VCPKMT: variants seen among roughly 807,000 people sequenced by gnomAD.
VCPKMT encodes protein N-lysine methyltransferase METTL21D.
VCPKMT carries 32 observed loss-of-function variants against 28.6 expected under a neutral mutation model. That is an observed-to-expected ratio of 1.12 (90% CI 0.84 to 1.50). VCPKMT has a LOEUF of 1.50. VCPKMT is among the 40% of genes most tolerant of loss of function. The pLI, the probability that VCPKMT is intolerant of heterozygous loss-of-function variation, is 0.00. For synonymous variants in VCPKMT, 138 were observed against 111.4 expected (o/e 1.24, Z -1.50); for missense variants, 366 against 285.0 (o/e 1.28, Z -2.05).
At chr14:50,110,773 T>C (rs983275569) in intron 5 of VCPKMT, among the ~76,000 whole-genome samples, 2 of 152,200 alleles carry the variant, frequency 1.3e-5, no homozygotes, top group Non-Finnish European at 2.9e-5. Flanking sequence ...ATCTCATCAA[T>C]GGATGGATAA....
rs764221295 is a variant in VCPKMT at position 50,112,732 on chromosome 14, A to G, written c.571-13T>C. On this transcript the variant is annotated splice_polypyrimidine_tract_variant and intron_variant, in intron 4 of 5. Transcript: ENST00000395860. ...CTAGCTGAAGGAGCTATAAATTTAA[A>G]AGAGACATACTTCAAATTCAATAAT... The G allele has an allele frequency of 3.3e-6, 5 of 1,518,190 alleles. No homozygotes were observed. The highest frequency in any genetic ancestry group is 4.7e-5 in the East Asian group (2 of 42,174). 94.0% of individuals were successfully genotyped at this position (1,518,190 alleles called of 1,614,324 possible).
At chr14:50,115,183 GCT>G (rs1883040183) in intron 3 of VCPKMT, among the ~76,000 whole-genome samples, 1 of 96,524 alleles carries the variant, frequency 1.0e-5, no homozygotes, top group South Asian at 3.1e-4. Context: ...ACAGAGTTTT[GCT>G]CTTGTTGCCC....
chr14:50,107,319 C>CTTT (rs772286873), downstream of VCPKMT, among the ~76,000 whole-genome samples: 10 of 145,780 alleles, frequency 6.9e-5, no homozygotes, highest in Non-Finnish European at 1.2e-4. Flanking sequence ...TCCTATTTGA[C>CTTT]TTTTTTTTTT....
intron 5 of VCPKMT, among the ~76,000 whole-genome samples, chr14:50,110,068 A>C (rs1338926845): frequency 1.3e-5 from 2 of 152,126 alleles, no homozygotes; most frequent in Non-Finnish European, 2.9e-5. Flanking sequence ...AACCTAGTGA[A>C]ACCCAATCTC....
At chr14:50,106,054 C>CT (rs1882309831), downstream of VCPKMT, among the ~76,000 whole-genome samples, 1 of 152,134 alleles carries the variant, frequency 6.6e-6, no homozygotes, top group Non-Finnish European at 1.5e-5. Context: ...TTTCTTCTTT[C>CT]TTTGCTCTCT....
downstream of VCPKMT, among the ~76,000 whole-genome samples, chr14:50,104,125 C>A (rs1034101651): frequency 3.9e-5 from 6 of 152,194 alleles, no homozygotes; most frequent in African/African-American, 1.4e-4. Context: ...GGTCTCAGAG[C>A]CTCTGTGCTG....
chr14:50,111,223 T>A, intron 5 of VCPKMT: 1 of 984,056 alleles, frequency 1.0e-6, no homozygotes, highest in Non-Finnish European at 1.2e-6. Flanking sequence ...AAACACAAAA[T>A]CTTTCTGCCT....
At chr14:50,109,747 A>G in intron 5 of VCPKMT, 34 bp from the exon 6 acceptor site, 1 of 1,586,162 alleles carries the variant, frequency 6.3e-7, no homozygotes, top group East Asian at 2.2e-5. Context: ...TAAAAGATTG[A>G]TTTACCACAA....
At chr14:50,111,792 G>A in intron 5 of VCPKMT, 1 of 660,220 alleles carries the variant, frequency 1.5e-6, no homozygotes, top group South Asian at 6.7e-5. Context: ...AGGCTGAGGT[G>A]GGAGGATCAC....
Position 50,112,661 on chromosome 14 carries a change from T to C in VCPKMT, c.629A>G (p.Tyr210Cys), listed in dbSNP as rs377669925. Residue 210 changes from tyrosine (Y) to cysteine (C), a missense_variant, in exon 5 of 6, where the codon TAT becomes TGT. By Grantham distance (194) the Tyr-to-Cys change is radical. Coordinates refer to ENST00000395860, the MANE Select transcript of VCPKMT (RefSeq NM_024558.3). ...TATAATATGAATATCTTCACTTCGA[T>C]ACTCTTCATCATGTTTTTCCAAAGG... is the stretch of plus-strand genomic sequence containing the variant. ...KIPLEKHDEE[Y>C]RSEDIHIIYI... The C allele has an allele frequency of 2.3e-5, 36 of 1,576,182 alleles. No individual in the cohort carries two copies. The highest frequency in any genetic ancestry group is 3.1e-5 in the Non-Finnish European group (36 of 1,157,818).
chr14:50,112,933 A>C (rs12896684), intron 4 of VCPKMT, among the ~76,000 whole-genome samples: 91,245 of 151,852 alleles, frequency 0.6, 28,108 homozygotes, highest in Middle Eastern at 0.69. Context: ...GATTACAGGC[A>C]AACGACACCA....
chr14:50,113,942 C>T (rs192836095), intron 4 of VCPKMT, among the ~76,000 whole-genome samples: 18 of 84,398 alleles, frequency 2.1e-4, no homozygotes, highest in African/African-American at 5.3e-4. Flanking sequence ...ATCACCTGCA[C>T]ATTTCTATCA....
At chr14:50,105,415 G>C (rs1191678375), downstream of VCPKMT, among the ~76,000 whole-genome samples, 1 of 152,214 alleles carries the variant, frequency 6.6e-6, no homozygotes, top group East Asian at 1.9e-4. Context: ...TGGATTGCTT[G>C]AGGTCAGGAG....
chr14:50,104,214 G>C (rs1566800277), downstream of VCPKMT, among the ~76,000 whole-genome samples: 1 of 152,132 alleles, frequency 6.6e-6, no homozygotes, highest in Non-Finnish European at 1.5e-5. Flanking sequence ...TTTATCATTT[G>C]CAAATGATAG....
chr14:50,113,670 T>C (rs2139439318), intron 4 of VCPKMT, among the ~76,000 whole-genome samples: 1 of 149,122 alleles, frequency 6.7e-6, no homozygotes, highest in African/African-American at 2.5e-5. Context: ...CATAAATATG[T>C]AGAGAAAAAC....
downstream of VCPKMT, among the ~76,000 whole-genome samples, chr14:50,107,641 AG>A (rs1253036110): frequency 6.6e-6 from 1 of 152,158 alleles, no homozygotes; most frequent in Admixed American, 6.5e-5. Flanking sequence ...GTCAGTACTT[AG>A]GTGAGTTCTC....
rs916570179 is a variant in VCPKMT at position 50,116,163 on chromosome 14, T to G, written c.283A>C (p.Thr95Pro). Residue 95 changes from threonine (T) to proline (P), a missense_variant, in exon 2 of 6, where the codon ACC becomes CCC. Thr to Pro is a conservative substitution (Grantham distance 38). Coordinates refer to ENST00000395860, the MANE Select transcript of VCPKMT (RefSeq NM_024558.3). ...AAGTCTTGCAATTCCTCAAGATCGG[T>G]GACTACAACATCAGCCCTATAAAAT... ...AATLGADVVV[T>P]DLEELQDLLK... 5 of 1,613,932 alleles carry G rather than the reference T, an allele frequency of 3.1e-6. No individual in the cohort carries two copies. The highest frequency in any genetic ancestry group is 4.2e-6 in the Non-Finnish European group (5 of 1,180,022).
At chr14:50,113,167 T>C (rs1028042475) in intron 4 of VCPKMT, among the ~76,000 whole-genome samples, 1 of 152,184 alleles carries the variant, frequency 6.6e-6, no homozygotes, top group Non-Finnish European at 1.5e-5. Flanking sequence ...TATCTTTATG[T>C]TGGTAAGTAG....
chr14:50,112,374 G>A (rs1473247025), intron 5 of VCPKMT, among the ~76,000 whole-genome samples: 1 of 111,918 alleles, frequency 8.9e-6, no homozygotes, highest in Non-Finnish European at 1.7e-5. Flanking sequence ...GGTGAAACGT[G>A]TCTCTACTTA....
Sources: gnomAD v4.1 joint callset for allele counts (sites outside exome capture counted in the v4.1 genomes callset) on GRCh38, gnomAD v4.1.1 for gene constraint, MANE v1.5 for transcripts, NCBI Gene and HGNC (gene_info 2026-07-23, HGNC 2026-07-21) for gene names.